TTLL9: variants seen among roughly 807,000 people sequenced by gnomAD.
TTLL9 encodes probable tubulin polyglutamylase TTLL9.
TTLL9 carries 47 observed loss-of-function variants against 65.6 expected under a neutral mutation model. The ratio of observed to expected loss-of-function variants is 0.72; its 90% CI spans 0.57 to 0.91. The LOEUF (loss-of-function observed/expected upper bound fraction) is 0.91. TTLL9 is among the 40% of genes least tolerant of loss of function. TTLL9 has a pLI of 0.00. For synonymous variants in TTLL9, 179 were observed against 204.8 expected, an observed-to-expected ratio of 0.87 and a Z score of 1.07; for missense variants, 537 against 568.8, an observed-to-expected ratio of 0.94 and a Z score of 0.57.
intron 2 of TTLL9, among the ~76,000 whole-genome samples, chr20:31,885,538 A>C (rs1363143657): frequency 6.6e-6 from 1 of 152,246 alleles, no homozygotes; most frequent in Non-Finnish European, 1.5e-5. Context: ...CAAAAAGACA[A>C]GGACAGCTTG....
intron 3 of TTLL9, among the ~76,000 whole-genome samples, chr20:31,892,667 A>T (rs1449608356): frequency 6.6e-6 from 1 of 152,230 alleles, no homozygotes; most frequent in Non-Finnish European, 1.5e-5. Context: ...TCACAAAGAT[A>T]GTATTTGGAA....
chr20:31,923,781 C>T (rs1009831288), intron 8 of TTLL9, among the ~76,000 whole-genome samples: 1 of 152,088 alleles, frequency 6.6e-6, no homozygotes, highest in Non-Finnish European at 1.5e-5. Context: ...CGTCCTCTGG[C>T]AATTACCTTC....
intron 2 of TTLL9, among the ~76,000 whole-genome samples, chr20:31,882,364 G>A (rs934709478): frequency 6.6e-6 from 1 of 152,136 alleles, no homozygotes; most frequent in Non-Finnish European, 1.5e-5. Flanking sequence ...GTAAGCTGGT[G>A]TGGCAAACTG....
At chr20:31,913,692 C>G (rs2063689834) in intron 6 of TTLL9, among the ~76,000 whole-genome samples, 1 of 152,194 alleles carries the variant, frequency 6.6e-6, no homozygotes, top group Admixed American at 6.5e-5. Context: ...TGTGGGGACC[C>G]TCTTCCTACC....
chr20:31,908,557 A>G (rs1237931400), intron 4 of TTLL9, 34 bp from the exon 5 acceptor site: 1 of 1,533,926 alleles, frequency 6.5e-7, no homozygotes, highest in African/African-American at 1.4e-5. Flanking sequence ...TCCTCAGACC[A>G]TGACCTTTAT....
intron 2 of TTLL9, among the ~76,000 whole-genome samples, chr20:31,878,101 ATATCT>A (rs1322222874): frequency 3.3e-5 from 5 of 152,210 alleles, no homozygotes; most frequent in Non-Finnish European, 4.4e-5. Context: ...CTGTTTCTAC[ATATCT>A]TATATTTCTG....
chr20:31,930,357 G>T (rs2063987867), intron 10 of TTLL9, among the ~76,000 whole-genome samples: 1 of 152,132 alleles, frequency 6.6e-6, no homozygotes. Context: ...CTTGATGAGG[G>T]AGCAGAATTT....
chr20:31,890,708 C>T lies in TTLL9; in HGVS notation c.113+3469C>T, dbSNP rs571701631. ...ATCCCCCAGGGAATTCCTGGGAGAA[C>T]GTAGAATGCACTGCAGACTTATCCT... is the stretch of plus-strand genomic sequence containing the variant. On this transcript the variant is annotated intron_variant, in intron 3 of 14. Coordinates refer to ENST00000535842, the MANE Select transcript of TTLL9 (RefSeq NM_001008409.5). Among the ~76,000 whole-genome samples the T allele has an allele frequency of 5.3e-5, 8 of 152,270 alleles. No homozygotes were observed. In the South Asian group the frequency reaches 6.2e-4, roughly 12 times the overall value.
chr20:31,883,995 G>C, intron 2 of TTLL9: 1 of 477,688 alleles, frequency 2.1e-6, no homozygotes, highest in South Asian at 4.5e-5. Flanking sequence ...AAAGAAAGAA[G>C]TAAGTAAGTC....
chr20:31,881,832 C>T (rs1448634068), intron 2 of TTLL9, among the ~76,000 whole-genome samples: 12 of 152,186 alleles, frequency 7.9e-5, no homozygotes. Context: ...GAAGGACGAA[C>T]TGCAGGTTGC....
Position 31,881,757 on chromosome 20 carries a change from A to G in TTLL9, c.70-5439A>G, listed in dbSNP as rs367761153. Among the ~76,000 whole-genome samples the G allele has an allele frequency of 3.9e-5, 6 of 152,114 alleles. No homozygotes were observed. In the East Asian group the frequency reaches 9.6e-4, roughly 24 times the overall value. ...CATATCACTTTATGAAAGTGTTAGA[A>G]AAAAAGAAAACAAACATCTACTGAA... is the stretch of plus-strand genomic sequence containing the variant. On this transcript the variant is annotated intron_variant, in intron 2 of 14. Transcript: ENST00000535842.
intron 3 of TTLL9, 99 bp downstream of exon 3, chr20:31,887,338 T>G: frequency 7.5e-7 from 1 of 1,325,160 alleles, no homozygotes; most frequent in African/African-American, 1.5e-5. Flanking sequence ...TCAACAATTA[T>G]AATGAAAATG....
intron 1 of TTLL9, 56 bp downstream of exon 1, chr20:31,871,005 C>T: frequency 1.0e-6 from 1 of 955,110 alleles, no homozygotes. Flanking sequence ...CCCTACCAAC[C>T]AGCCTTCCTC....
At chr20:31,913,960 C>T (rs1479769970) in intron 6 of TTLL9, among the ~76,000 whole-genome samples, 4 of 152,172 alleles carry the variant, frequency 2.6e-5, no homozygotes, top group African/African-American at 7.2e-5. Flanking sequence ...ACGGATGGGG[C>T]CTGTCAGTCT....
intron 13 of TTLL9, among the ~76,000 whole-genome samples, chr20:31,938,433 A>C (rs781271481): frequency 8.5e-5 from 13 of 152,090 alleles, no homozygotes; most frequent in Non-Finnish European, 1.6e-4. Context: ...CACTATTCCT[A>C]CCATCACCTA....
At chr20:31,921,836 G>C (rs28849116) in intron 7 of TTLL9, among the ~76,000 whole-genome samples, 2 of 152,100 alleles carry the variant, frequency 1.3e-5, no homozygotes, top group South Asian at 2.1e-4. Flanking sequence ...GGTGGAAGGA[G>C]GGGGGAGGGA....
intron 10 of TTLL9, 54 bp downstream of exon 10, chr20:31,926,145 G>T: frequency 7.9e-7 from 1 of 1,268,390 alleles, no homozygotes; most frequent in Non-Finnish European, 1.2e-6. Flanking sequence ...TTGTGGGGGT[G>T]ATTCCATGGG....
At chr20:31,931,132 T>G (rs2064002284) in intron 10 of TTLL9, among the ~76,000 whole-genome samples, 1 of 146,838 alleles carries the variant, frequency 6.8e-6, no homozygotes, top group Non-Finnish European at 1.5e-5. Context: ...CAGGCTGGAG[T>G]GCAGTGGCAC....
chr20:31,924,693 C>T (rs2063868156), intron 8 of TTLL9, among the ~76,000 whole-genome samples: 4 of 152,172 alleles, frequency 2.6e-5, no homozygotes, highest in Admixed American at 2.6e-4. Context: ...AAGCGATCCT[C>T]CTGCCTCAAT....
Sources: gnomAD v4.1 joint callset for allele counts (sites outside exome capture counted in the v4.1 genomes callset) on GRCh38, gnomAD v4.1.1 for gene constraint, MANE v1.5 for transcripts, NCBI Gene and HGNC (gene_info 2026-07-23, HGNC 2026-07-21) for gene names.